SARNP: variants seen among roughly 807,000 people sequenced by gnomAD.
The protein encoded by SARNP is SAP domain-containing ribonucleoprotein.
SARNP carries 5 observed loss-of-function variants against 38.1 expected under a neutral mutation model. The ratio of observed to expected loss-of-function variants is 0.13; its 90% CI spans 0.07 to 0.28. The LOEUF (loss-of-function observed/expected upper bound fraction) is 0.28. SARNP is among the 10% of genes least tolerant of loss of function. SARNP has a pLI of 1.00. For missense variants in SARNP, 180 were observed against 243.9 expected, an observed-to-expected ratio of 0.74 and a Z score of 1.75; for synonymous variants, 84 against 80.6, an observed-to-expected ratio of 1.04 and a Z score of -0.23.
chr12:55,791,056 G>C (rs1292803868), intron 7 of SARNP, among the ~76,000 whole-genome samples: 2 of 152,160 alleles, frequency 1.3e-5, no homozygotes, highest in African/African-American at 2.4e-5. Context: ...AATGAACCTT[G>C]AAAACTATGC....
At chr12:55,788,591 G>A (rs1042237458) in intron 9 of SARNP, among the ~76,000 whole-genome samples, 10 of 152,248 alleles carry the variant, frequency 6.6e-5, no homozygotes, top group African/African-American at 2.4e-4. Flanking sequence ...AGGCCCAGGA[G>A]TTTGAGACCA....
intron 9 of SARNP, among the ~76,000 whole-genome samples, chr12:55,786,465 TTTGA>T (rs1180460957): frequency 4.1e-5 from 6 of 147,600 alleles, no homozygotes; most frequent in Admixed American, 6.8e-5. Context: ...TGTTTGTTTG[TTTGA>T]GATGGAGTCT....
At chr12:55,753,825 T>C (rs1878417520), downstream of SARNP, 2 of 149,608 alleles carry the variant, frequency 1.3e-5, no homozygotes, top group Non-Finnish European at 3.0e-5. Flanking sequence ...TGTGCTCCTG[T>C]AGTTCCAGCT....
intron 9 of SARNP, among the ~76,000 whole-genome samples, chr12:55,786,340 T>C (rs899178910): frequency 6.6e-6 from 1 of 152,198 alleles, no homozygotes; most frequent in African/African-American, 2.4e-5. Context: ...CTCACATATC[T>C]AGCCCTCATA....
chr12:55,791,140 T>A (rs1292131190), intron 7 of SARNP, among the ~76,000 whole-genome samples: 2 of 152,168 alleles, frequency 1.3e-5, no homozygotes, highest in African/African-American at 4.8e-5. Flanking sequence ...GAAGGCAAAT[T>A]TCCATGGAGA....
At chr12:55,774,891 T>TG (rs199630545) in intron 9 of SARNP, among the ~76,000 whole-genome samples, 128 of 147,758 alleles carry the variant, frequency 8.7e-4, no homozygotes, top group African/African-American at 3.0e-3. Context: ...TTGTTTTTTT[T>TG]TTTTTTTTTT....
chr12:55,805,084 A>C (rs1880098556), intron 1 of SARNP, among the ~76,000 whole-genome samples: 2 of 151,792 alleles, frequency 1.3e-5, no homozygotes, highest in South Asian at 4.2e-4. Context: ...TAACACAGTG[A>C]AACCCCGTCT....
rs549837329 is a variant in SARNP, at chr12:55,796,251, T to A, written c.252-175A>T. Among the ~76,000 whole-genome samples the A allele has an allele frequency of 2.0e-5, 3 of 152,254 alleles. No individual in the cohort carries two copies. The South Asian group carries it at 6.2e-4, about 32-fold the overall frequency. Reference sequence around the variant, plus strand: ...CTTTGGTTCCTTTAACTGTCATCTATTGAGAGGAAAGAGTTCAAATAACAA... The same window carrying A: ...CTTTGGTTCCTTTAACTGTCATCTAATGAGAGGAAAGAGTTCAAATAACAA... On this transcript the variant is annotated intron_variant, in intron 4 of 10. Transcript: ENST00000336133.
At chr12:55,810,949 C>T (rs1403128652) in intron 1 of SARNP, among the ~76,000 whole-genome samples, 1 of 151,906 alleles carries the variant, frequency 6.6e-6, no homozygotes, top group African/African-American at 2.4e-5. Flanking sequence ...TGGTGGCAGG[C>T]ACCTGTAATC....
chr12:55,814,895 A>G (rs1245145125), intron 1 of SARNP, among the ~76,000 whole-genome samples: 1 of 151,660 alleles, frequency 6.6e-6, no homozygotes, highest in Non-Finnish European at 1.5e-5. Context: ...AAAAAGAATG[A>G]CTGCATTTCT....
chr12:55,800,990 C>A (rs1879963841), intron 2 of SARNP, 90 bp from the exon 3 acceptor site: 3 of 1,143,052 alleles, frequency 2.6e-6, no homozygotes, highest in Non-Finnish European at 3.9e-6. Context: ...CTTTGCTTTC[C>A]CCCAAAAAAT....
rs1565673590 is a variant in SARNP at position 55,774,588 on chromosome 12, AAAAAC to A, written c.502-13953_502-13949del. 5.2e-4 allele frequency among the ~76,000 whole-genome samples: 77 copies of A among 149,198 alleles called. 8 individuals are homozygous for A. Among genetic ancestry groups the A allele is most frequent in the African/African-American group, 1.8e-3 (72 of 39,746 alleles). Reference sequence around the variant, plus strand: ...AAAAAAAAAAAACAAACAAAAAAAAAAAAACAAAAATTAGCCAGGTGTGGCGGCAT... The same window carrying A: ...AAAAAAAAAAAACAAACAAAAAAAAAAAAAATTAGCCAGGTGTGGCGGCAT... On this transcript the variant is annotated intron_variant, in intron 9 of 10. Transcript: ENST00000336133.
chr12:55,775,444 C>T (rs1251795360), intron 9 of SARNP, among the ~76,000 whole-genome samples: 7 of 149,536 alleles, frequency 4.7e-5, no homozygotes, highest in African/African-American at 1.7e-4. Context: ...ACTTGCAGTC[C>T]CAGCTACTCA....
At chr12:55,783,338 A>G (rs1398726073) in intron 9 of SARNP, among the ~76,000 whole-genome samples, 1 of 152,136 alleles carries the variant, frequency 6.6e-6, no homozygotes, top group Non-Finnish European at 1.5e-5. Flanking sequence ...ATTAGTCCAT[A>G]GTCACCATGC....
chr12:55,799,489 C>T (rs145227239), intron 4 of SARNP, among the ~76,000 whole-genome samples: 172 of 151,938 alleles, frequency 1.1e-3, no homozygotes, highest in African/African-American at 3.8e-3. Flanking sequence ...GAACAGAGTG[C>T]TACTTCAGAA....
At position 55,794,465 on chromosome 12, in the gene SARNP, T is replaced by C. The variant is rs1879762709; in HGVS notation, c.378-78A>G. ...TGTCTGTCTCCGTGTCAAGTATACA[T>C]ATGACACTTCTTGCTTGTGATCTCA... On this transcript the variant is annotated intron_variant, in intron 6 of 10. Transcript: ENST00000336133. 2.5e-6 allele frequency: 3 copies of C among 1,211,204 alleles called. No homozygotes were observed. The Admixed American group carries it at 6.5e-5, about 26-fold the overall frequency. 75.0% of individuals were successfully genotyped at this position (1,211,204 alleles called of 1,614,324 possible).
At chr12:55,805,706 G>C (rs1287195735) in intron 1 of SARNP, among the ~76,000 whole-genome samples, 1 of 152,166 alleles carries the variant, frequency 6.6e-6, no homozygotes, top group Non-Finnish European at 1.5e-5. Context: ...TATTAGCTGG[G>C]CATGGTGGCA....
intron 9 of SARNP, among the ~76,000 whole-genome samples, chr12:55,773,096 T>A (rs1879060639): frequency 6.6e-6 from 1 of 152,184 alleles, no homozygotes; most frequent in East Asian, 1.9e-4. Context: ...ACCTGACCAT[T>A]CAGAAATTTA....
At chr12:55,765,074 T>C (rs1878789316) in intron 9 of SARNP, among the ~76,000 whole-genome samples, 1 of 152,190 alleles carries the variant, frequency 6.6e-6, no homozygotes, top group South Asian at 2.1e-4. Context: ...CCTCTCTTCT[T>C]GCGGAGAGGC....
Sources: allele counts gnomAD v4.1 joint callset (sites outside exome capture counted in the v4.1 genomes callset), GRCh38; gene constraint gnomAD v4.1.1; transcripts MANE v1.5; gene names NCBI Gene and HGNC (gene_info 2026-07-23, HGNC 2026-07-21).